Variants in TAB2 observed in about 807,000 individuals in gnomAD.
TAB2 encodes the protein TGF-beta activated kinase 1 (MAP3K7) binding protein 2.
Under a neutral mutation model 65.0 loss-of-function variants are expected in TAB2, and 3 were observed. That is an observed-to-expected ratio of 0.05 (90% CI 0.02 to 0.12). The LOEUF (loss-of-function observed/expected upper bound fraction) is 0.12, where lower values mean the gene tolerates loss of function less well. Among genes scored for constraint, TAB2 ranks in the 10% least tolerant of loss-of-function variants. The probability of loss-of-function intolerance (pLI) is 1.00; values close to 1 mark genes in which losing one functional copy is unlikely to be tolerated. For synonymous variants in TAB2, 298 were observed against 285.1 expected (o/e 1.05, Z -0.46); for missense variants, 623 against 840.3 (o/e 0.74, Z 3.20).
At chr6:149,275,286 A>AAGATAGAT (rs1325836203) in intron 1 of TAB2, among the ~76,000 whole-genome samples, 2 of 146,624 alleles carry the variant, frequency 1.4e-5, no homozygotes, top group African/African-American at 5.0e-5. Context: ...GAAAGAAAGA[A>AAGATAGAT]AGAAAGAAAG....
intron 1 of TAB2, among the ~76,000 whole-genome samples, chr6:149,358,679 G>A (rs1227292285): frequency 6.3e-5 from 1 of 15,814 alleles, no homozygotes; most frequent in Non-Finnish European, 2.0e-4. Context: ...TGTGTTTTCA[G>A]TATATTATAA....
At chr6:149,384,027 C>T (rs907833717) in intron 3 of TAB2, among the ~76,000 whole-genome samples, 1 of 152,150 alleles carries the variant, frequency 6.6e-6, no homozygotes, top group African/African-American at 2.4e-5. Context: ...CTGAGTAATC[C>T]TGATCTTTAA....
At position 149,369,916 on chromosome 6, in the gene TAB2, T is replaced by C. The variant is rs532576065; in HGVS notation, c.-82T>C. The C allele has an allele frequency of 4.8e-5, 58 of 1,220,786 alleles. No homozygotes were observed. The African/African-American group carries it at 8.2e-4, about 17-fold the overall frequency. 75.6% of individuals were successfully genotyped at this position (1,220,786 alleles called of 1,614,324 possible). On this transcript the variant is annotated 5_prime_UTR_variant, in exon 2 of 7. Coordinates refer to ENST00000637181, the MANE Select transcript of TAB2 (RefSeq NM_001292034.3). The stretch of plus-strand genomic sequence containing the variant: ...TTTTTCTTTCTTTCACAGAAAATGC[T>C]TGGACAGAAGAGATGAGTACTATTT...
intron 1 of TAB2, among the ~76,000 whole-genome samples, chr6:149,326,271 CAA>C (rs59070515): frequency 0.033 from 4,157 of 124,928 alleles, 85 homozygotes; most frequent in South Asian, 0.11. Context: ...GACCCCATCT[CAA>C]AAAAAAAAAA....
chr6:149,378,910 C>A lies in TAB2; in HGVS notation c.995C>A (p.Pro332His). 1 of 1,614,086 alleles carries A rather than the reference C, an allele frequency of 6.2e-7. No individual in the cohort carries two copies. The highest frequency in any genetic ancestry group is 8.5e-7 in the Non-Finnish European group (1 of 1,180,028). Residue 332 changes from proline to histidine, a missense_variant, in exon 3 of 7, where the codon CCC becomes CAC. This residue lies in a region of TAB2 where 550 missense variants were observed against 665.7 expected (regional missense o/e 0.83). Coordinates refer to ENST00000637181, the MANE Select transcript of TAB2 (RefSeq NM_001292034.3). ...RKNQIEIKLEPPQRNNSSKLR... is the reference protein window; with the variant it reads ...RKNQIEIKLEHPQRNNSSKLR... ...AACCAGATTGAAATCAAACTTGAAC[C>A]CCCACAAAGAAATAATTCTTCAAAA...
At chr6:149,229,552 C>A (rs569959892) in intron 1 of TAB2, among the ~76,000 whole-genome samples, 2 of 152,218 alleles carry the variant, frequency 1.3e-5, no homozygotes, top group Non-Finnish European at 2.9e-5. Context: ...GCAGAATGAG[C>A]AGGCCAGAAA....
intron 1 of TAB2, among the ~76,000 whole-genome samples, chr6:149,257,043 C>T (rs1454706368): frequency 6.6e-6 from 1 of 152,160 alleles, no homozygotes; most frequent in Non-Finnish European, 1.5e-5. Context: ...ACCACACAAC[C>T]ATCTAAAATT....
chr6:149,225,721 A>G (rs894132822), intron 1 of TAB2, among the ~76,000 whole-genome samples: 11 of 152,142 alleles, frequency 7.2e-5, no homozygotes, highest in Admixed American at 6.5e-4. Context: ...CGCTATAAAA[A>G]TCACGAGGCA....
chr6:149,280,931 CAA>C (rs9322172), intron 1 of TAB2, among the ~76,000 whole-genome samples: 43,403 of 115,288 alleles, frequency 0.38, 6,505 homozygotes, highest in East Asian at 0.55. Flanking sequence ...GACCTCGTCT[CAA>C]AAAAAAAAAA....
intron 1 of TAB2, among the ~76,000 whole-genome samples, chr6:149,362,815 C>G (rs1780895445): frequency 1.3e-5 from 2 of 152,022 alleles, no homozygotes; most frequent in Non-Finnish European, 2.9e-5. Context: ...TTTTTAATAT[C>G]AAGGCAGCTT....
At chr6:149,230,730 C>T (rs1165505792) in intron 1 of TAB2, among the ~76,000 whole-genome samples, 1 of 152,224 alleles carries the variant, frequency 6.6e-6, no homozygotes, top group Non-Finnish European at 1.5e-5. Context: ...TCAGTGGAAG[C>T]CTCCTTGCCC....
chr6:149,342,639 GTTC>G (rs1391585668), intron 1 of TAB2: 1 of 152,100 alleles, frequency 6.6e-6, no homozygotes, highest in Non-Finnish European at 1.5e-5. Flanking sequence ...CACATTTCTT[GTTC>G]TGCCTACCTC....
intron 1 of TAB2, 60 bp from the exon 2 acceptor site, chr6:149,369,849 C>A (rs1452858379): frequency 1.5e-6 from 1 of 669,260 alleles, no homozygotes; most frequent in Non-Finnish European, 2.6e-6. Context: ...AATTTTAAAT[C>A]CACAACAATA....
At chr6:149,393,412 A>C (rs962729054) in intron 3 of TAB2, among the ~76,000 whole-genome samples, 7 of 152,208 alleles carry the variant, frequency 4.6e-5, no homozygotes, top group African/African-American at 1.7e-4. Flanking sequence ...CCCCTTTGTG[A>C]ATTTCTAAGG....
chr6:149,295,401 T>C (rs1335953470), intron 1 of TAB2, among the ~76,000 whole-genome samples: 2 of 152,252 alleles, frequency 1.3e-5, no homozygotes, highest in African/African-American at 2.4e-5. Context: ...TGGTCATCTG[T>C]AATCTGTGAA....
At chr6:149,389,407 A>G (rs1781907688) in intron 3 of TAB2, among the ~76,000 whole-genome samples, 2 of 151,990 alleles carry the variant, frequency 1.3e-5, no homozygotes, top group African/African-American at 4.8e-5. Flanking sequence ...GCACTTTGGG[A>G]GCCCGAGGCG....
intron 3 of TAB2, among the ~76,000 whole-genome samples, chr6:149,386,098 TACAC>T (rs1391366005): frequency 6.6e-6 from 1 of 152,214 alleles, no homozygotes; most frequent in African/African-American, 2.4e-5. Context: ...TATATGTGTA[TACAC>T]ACACTGTTCT....
intron 1 of TAB2, among the ~76,000 whole-genome samples, chr6:149,346,848 A>G (rs1264762529): frequency 6.6e-6 from 1 of 152,176 alleles, no homozygotes; most frequent in Non-Finnish European, 1.5e-5. Flanking sequence ...CATTCAGTGA[A>G]TTGGTTTGTT....
At chr6:149,353,189 T>TA (rs1780547140) in intron 1 of TAB2, among the ~76,000 whole-genome samples, 2 of 152,158 alleles carry the variant, frequency 1.3e-5, no homozygotes, top group Non-Finnish European at 1.5e-5. Context: ...AGGTTTGAGT[T>TA]ACCTCCCCAA....
Sources: allele counts gnomAD v4.1 joint callset (sites outside exome capture counted in the v4.1 genomes callset), GRCh38; gene constraint gnomAD v4.1.1; regional missense constraint gnomAD v4.1.1; transcripts MANE v1.5; gene names NCBI Gene and HGNC (gene_info 2026-07-23, HGNC 2026-07-21).